The following CDH13 variants were observed in gnomAD, a reference collection of about 807,000 sequenced individuals.
CDH13 encodes the protein cadherin-13.
A neutral mutation model predicts 63.8 loss-of-function variants in CDH13; 24 were observed. The ratio of observed to expected loss-of-function variants is 0.38; its 90% CI spans 0.27 to 0.53. The LOEUF (loss-of-function observed/expected upper bound fraction) is 0.53, where lower values mean the gene tolerates loss of function less well. Among genes scored for constraint, CDH13 ranks in the 20% least tolerant of loss-of-function variants. The probability of loss-of-function intolerance (pLI) is 0.85; values close to 1 mark genes in which losing one functional copy is unlikely to be tolerated. For synonymous variants in CDH13, 503 were observed against 355.3 expected (o/e 1.42, Z -4.67); for missense variants, 1,049 against 903.1 (o/e 1.16, Z -2.07).
intron 4 of CDH13, among the ~76,000 whole-genome samples, chr16:83,200,144 C>A (rs2038983759): frequency 6.6e-6 from 1 of 152,138 alleles, no homozygotes; most frequent in Non-Finnish European, 1.5e-5. Flanking sequence ...CAGAAGGGAC[C>A]TCAGAGTCTA....
chr16:83,752,718 C>A (rs901194586), intron 11 of CDH13, among the ~76,000 whole-genome samples: 4 of 152,198 alleles, frequency 2.6e-5, no homozygotes, highest in Non-Finnish European at 5.9e-5. Flanking sequence ...TTCTCACAGA[C>A]TGTGAGTCTC....
At position 83,561,440 on chromosome 16, in the gene CDH13, A is replaced by G. The variant is rs866302862; in HGVS notation, c.961-41014A>G. Among the ~76,000 whole-genome samples the G allele has an allele frequency of 1.8e-3, 268 of 152,162 alleles. 2 individuals are homozygous for G. Among genetic ancestry groups the G allele is most frequent in the African/African-American group, 6.0e-3 (250 of 41,514 alleles). On this transcript the variant is annotated intron_variant, in intron 7 of 13. Coordinates refer to ENST00000567109, the MANE Select transcript of CDH13 (RefSeq NM_001257.5). The stretch of plus-strand genomic sequence containing the variant: ...AAACACCATCTCAAAAAAAAAAAAA[A>G]AAAAAACTTCAAGCAAGGGAGGCTA...
chr16:82,945,520 A>G (rs1904612723), intron 2 of CDH13, among the ~76,000 whole-genome samples: 1 of 152,196 alleles, frequency 6.6e-6, no homozygotes, highest in African/African-American at 2.4e-5. Flanking sequence ...GAAGAACAAT[A>G]ACAATAATAA....
At chr16:83,289,255 A>G (rs188602666) in intron 5 of CDH13, among the ~76,000 whole-genome samples, 35 of 152,330 alleles carry the variant, frequency 2.3e-4, no homozygotes, top group Admixed American at 5.9e-4. Context: ...TTTGGCCTCT[A>G]CAGCTTGAAA....
chr16:83,693,894 C>T (rs1021669520), intron 10 of CDH13, among the ~76,000 whole-genome samples: 9 of 152,216 alleles, frequency 5.9e-5, no homozygotes, highest in Non-Finnish European at 1.5e-5. Flanking sequence ...GATACTCTGT[C>T]ACCCAAACAA....
chr16:83,208,504 AC>A (rs2039245213), intron 4 of CDH13, among the ~76,000 whole-genome samples: 1 of 152,184 alleles, frequency 6.6e-6, no homozygotes. Flanking sequence ...AGAGTAGAAA[AC>A]ATCTTCTAAA....
Position 82,720,303 on chromosome 16 carries a change from A to T in CDH13, c.45+93166A>T, listed in dbSNP as rs144011450. ...TGGCAGACTGACTGAGTGCTTTCTT[A>T]CTGCATTGTTTTTTATTGTGCATTT... On this transcript the variant is annotated intron_variant, in intron 1 of 13. Transcript: ENST00000567109. Among the ~76,000 whole-genome samples, 137 of 152,318 alleles carry T rather than the reference A, an allele frequency of 9.0e-4. No individual in the cohort carries two copies. The East Asian group carries it at 0.011, about 12-fold the overall frequency.
rs560269885 is a variant in CDH13 at position 82,669,391 on chromosome 16, C to G, written c.45+42254C>G. ...AGGTACAATATATCTTATCTACTGC[C>G]ACATTGATAAAGTCTACAGAGAAAA... On this transcript the variant is annotated intron_variant, in intron 1 of 13. Coordinates refer to ENST00000567109, the MANE Select transcript of CDH13 (RefSeq NM_001257.5). Among the ~76,000 whole-genome samples the G allele has an allele frequency of 2.5e-3, 387 of 152,290 alleles. 3 individuals carry two copies. The highest frequency in any genetic ancestry group is 0.01 in the Middle Eastern group (3 of 294).
At chr16:83,597,078 C>G (rs377758403) in intron 7 of CDH13, among the ~76,000 whole-genome samples, 1 of 152,100 alleles carries the variant, frequency 6.6e-6, no homozygotes, top group South Asian at 2.1e-4. Context: ...CAAAAATTAG[C>G]CAGGTGTGGT....
In CDH13 at chr16:82,957,476, A is replaced by G. The variant is rs996267706; in HGVS notation, c.158-74534A>G. Among the ~76,000 whole-genome samples, 13 of 152,324 alleles carry G rather than the reference A, an allele frequency of 8.5e-5. No homozygotes were observed. The South Asian group carries it at 1.0e-3, about 12-fold the overall frequency. Reference sequence around the variant, plus strand: ...TTCAAGATAGATAAAGGCCACTAGTATGTTGGCAATAGCATGCCCTCTTTA... The same window carrying G: ...TTCAAGATAGATAAAGGCCACTAGTGTGTTGGCAATAGCATGCCCTCTTTA... On this transcript the variant is annotated intron_variant, in intron 2 of 13. Coordinates refer to ENST00000567109, the MANE Select transcript of CDH13 (RefSeq NM_001257.5).
intron 10 of CDH13, among the ~76,000 whole-genome samples, chr16:83,682,393 A>T (rs1020887898): frequency 6.6e-6 from 1 of 152,092 alleles, no homozygotes; most frequent in Non-Finnish European, 1.5e-5. Flanking sequence ...CATAAGTCGC[A>T]TGTCTCTTTA....
chr16:82,898,573 C>T (rs911763396), intron 2 of CDH13, among the ~76,000 whole-genome samples: 1 of 152,164 alleles, frequency 6.6e-6, no homozygotes, highest in African/African-American at 2.4e-5. Context: ...AATTATAGCA[C>T]TGGTCTCATG....
chr16:83,751,125 G>A (rs987185681), intron 11 of CDH13, among the ~76,000 whole-genome samples: 1 of 152,152 alleles, frequency 6.6e-6, no homozygotes, highest in African/African-American at 2.4e-5. Context: ...ACTGTTCTAA[G>A]GTTGGAACTG....
chr16:82,639,802 C>T (rs986897092), intron 1 of CDH13, among the ~76,000 whole-genome samples: 1 of 152,210 alleles, frequency 6.6e-6, no homozygotes, highest in Non-Finnish European at 1.5e-5. Flanking sequence ...TCCGTACTAG[C>T]CACAGAGCAG....
intron 1 of CDH13, among the ~76,000 whole-genome samples, chr16:82,687,612 G>A (rs1461388214): frequency 2.6e-5 from 4 of 152,020 alleles, no homozygotes; most frequent in African/African-American, 7.3e-5. Flanking sequence ...CACAAGAACA[G>A]CATGGGAAAA....
At chr16:82,962,474 C>A (rs750967687) in intron 2 of CDH13, among the ~76,000 whole-genome samples, 3 of 152,116 alleles carry the variant, frequency 2.0e-5, no homozygotes, top group African/African-American at 7.2e-5. Flanking sequence ...AATAGGAAAC[C>A]GATCAGATGC....
At chr16:83,256,178 C>T (rs533890120) in intron 5 of CDH13, among the ~76,000 whole-genome samples, 13 of 152,118 alleles carry the variant, frequency 8.5e-5, no homozygotes, top group Non-Finnish European at 1.6e-4. Flanking sequence ...GGACTACAGG[C>T]GTGTGCCACC....
chr16:82,855,602 CACTTGGG>C (rs2039651253), intron 1 of CDH13, among the ~76,000 whole-genome samples: 1 of 152,178 alleles, frequency 6.6e-6, no homozygotes, highest in Non-Finnish European at 1.5e-5. Flanking sequence ...GTGTATGTGC[CACTTGGG>C]ATGCCAGCAT....
chr16:82,914,696 G>A (rs1371298074), intron 2 of CDH13, among the ~76,000 whole-genome samples: 3 of 152,300 alleles, frequency 2.0e-5, no homozygotes, highest in Admixed American at 2.0e-4. Context: ...TCATTTCAAG[G>A]CATGGGGCAG....
Sources: allele counts gnomAD v4.1 joint callset (sites outside exome capture counted in the v4.1 genomes callset), GRCh38; gene constraint gnomAD v4.1.1; transcripts MANE v1.5; gene names NCBI Gene and HGNC (gene_info 2026-07-23, HGNC 2026-07-21).